The following EFL1 variants were observed in gnomAD, a reference collection of about 807,000 sequenced individuals.
EFL1 encodes elongation factor-like GTPase 1.
Under a neutral mutation model 126.7 loss-of-function variants are expected in EFL1, and 76 were observed. That is an observed-to-expected ratio of 0.60 (90% CI 0.50 to 0.73). The LOEUF is 0.73. Ranked by LOEUF, EFL1 falls within the 30% of genes least tolerant of loss-of-function variation. The pLI is 0.00. For synonymous variants in EFL1, 410 were observed against 448.4 expected (o/e 0.91, Z 1.08); for missense variants, 1,128 against 1,343.2 (o/e 0.84, Z 2.50).
At chr15:82,233,900 G>C (rs2141319439) in intron 7 of EFL1, 1 of 152,268 alleles carries the variant, frequency 6.6e-6, no homozygotes, top group East Asian at 1.9e-4. Flanking sequence ...AGGAAAAGGG[G>C]AAGGAAAAAG....
chr15:82,167,383 T>C (rs1317548860), intron 15 of EFL1, among the ~76,000 whole-genome samples: 2 of 152,216 alleles, frequency 1.3e-5, no homozygotes, highest in Admixed American at 6.5e-5. Flanking sequence ...CTAGACTGTA[T>C]ACTACACCCT....
chr15:82,143,573 G>A (rs1306969881), intron 18 of EFL1, among the ~76,000 whole-genome samples: 1 of 152,208 alleles, frequency 6.6e-6, no homozygotes, highest in Non-Finnish European at 1.5e-5. Context: ...GGCCAACGTG[G>A]TTGACAGGAT....
At position 82,259,210 on chromosome 15, in the gene EFL1, G is replaced by T. The variant is rs1596015440; in HGVS notation, c.92-55C>A. 4.8e-6 allele frequency: 7 copies of T among 1,450,002 alleles called. No homozygotes were observed. The African/African-American group carries it at 5.6e-5, about 12-fold the overall frequency. The allele number at this position is 1,450,002 out of a possible 1,614,324, so 89.8% of individuals were successfully genotyped here. A position where few individuals can be genotyped will look rare whatever the true frequency, so the allele number is the denominator to read the frequency against. On this transcript the variant is annotated intron_variant, in intron 2 of 19. Coordinates refer to ENST00000268206, the MANE Select transcript of EFL1 (RefSeq NM_024580.6). ...TATATCTTTTTTAAAAGGGGTCATG[G>T]ATCATACCTATAGATTTAAAATCTG...
chr15:82,161,221 T>C (rs915947818), intron 16 of EFL1, among the ~76,000 whole-genome samples: 2 of 152,082 alleles, frequency 1.3e-5, no homozygotes, highest in African/African-American at 2.4e-5. Flanking sequence ...ACGTGGTCTA[T>C]TCAAGAAAAA....
intron 4 of EFL1, among the ~76,000 whole-genome samples, chr15:82,248,733 A>G (rs956988548): frequency 6.6e-6 from 1 of 152,148 alleles, no homozygotes; most frequent in Non-Finnish European, 1.5e-5. Context: ...TTACTAACTA[A>G]AAGCTCATAA....
intron 15 of EFL1, among the ~76,000 whole-genome samples, chr15:82,182,525 G>A (rs2074261921): frequency 6.6e-6 from 1 of 152,000 alleles, no homozygotes; most frequent in African/African-American, 2.4e-5. Flanking sequence ...CAAGATGCCT[G>A]TAAATCATAT....
At chr15:82,187,353 G>GT (rs2074314591) in intron 15 of EFL1, among the ~76,000 whole-genome samples, 1 of 152,196 alleles carries the variant, frequency 6.6e-6, no homozygotes, top group East Asian at 1.9e-4. Flanking sequence ...GCTCTACTCT[G>GT]TAACTGCAAA....
intron 18 of EFL1, among the ~76,000 whole-genome samples, chr15:82,146,610 G>GA (rs11345305): frequency 0.17 from 21,479 of 128,652 alleles, 2,146 homozygotes; most frequent in Non-Finnish European, 0.25. Flanking sequence ...ATCAATTCGA[G>GA]AAAAAAAAAA....
At chr15:82,200,730 A>C (rs1477046588) in intron 15 of EFL1, among the ~76,000 whole-genome samples, 7 of 152,242 alleles carry the variant, frequency 4.6e-5, no homozygotes, top group Non-Finnish European at 8.8e-5. Flanking sequence ...ATCCGAACAC[A>C]TTAAAACATC....
chr15:82,133,920 T>G (rs933694996), intron 19 of EFL1, among the ~76,000 whole-genome samples: 4 of 152,124 alleles, frequency 2.6e-5, no homozygotes, highest in Non-Finnish European at 4.4e-5. Flanking sequence ...GGGTTGGCAC[T>G]TCACTGAATC....
chr15:82,164,876 G>A (rs2074061978), intron 15 of EFL1, among the ~76,000 whole-genome samples: 1 of 143,550 alleles, frequency 7.0e-6, no homozygotes, highest in Non-Finnish European at 1.5e-5. Flanking sequence ...CAGTGTGGGC[G>A]ACAGAGCGAG....
intron 4 of EFL1, among the ~76,000 whole-genome samples, chr15:82,249,698 A>C (rs904101630): frequency 1.6e-4 from 24 of 152,104 alleles, no homozygotes; most frequent in African/African-American, 5.6e-4. Flanking sequence ...AGAGGTAAGA[A>C]ACAGGCAAAT....
intron 15 of EFL1, among the ~76,000 whole-genome samples, chr15:82,197,270 G>A (rs2074418380): frequency 6.6e-6 from 1 of 152,080 alleles, no homozygotes. Context: ...CCTATTCCCA[G>A]GGGACAGAAA....
Position 82,232,969 on chromosome 15 carries a change from T to C in EFL1, c.732-1998A>G, listed in dbSNP as rs146497021. ...TTATACATTATTTTATCTTTTATAA[T>C]ATGTCAGATAAATATCCTGCTCTTA... is the stretch of plus-strand genomic sequence containing the variant. On this transcript the variant is annotated intron_variant, in intron 7 of 19. Coordinates refer to ENST00000268206, the MANE Select transcript of EFL1 (RefSeq NM_024580.6). 6.6e-3 allele frequency among the ~76,000 whole-genome samples: 1,010 copies of C among 152,260 alleles called. 10 individuals are homozygous for C. Among genetic ancestry groups the C allele is most frequent in the African/African-American group, 0.023 (937 of 41,560 alleles).
chr15:82,219,073 T>A (rs1250383867), intron 14 of EFL1, among the ~76,000 whole-genome samples: 1 of 152,196 alleles, frequency 6.6e-6, no homozygotes, highest in Non-Finnish European at 1.5e-5. Context: ...TGACCTCTAT[T>A]ATTTAATTAT....
At chr15:82,199,930 T>C (rs183945078) in intron 15 of EFL1, among the ~76,000 whole-genome samples, 5 of 152,240 alleles carry the variant, frequency 3.3e-5, no homozygotes, top group Middle Eastern at 3.4e-3. Context: ...AAGCTAAAAG[T>C]GACAGAACCA....
Position 82,193,521 on chromosome 15 carries a change from C to T in EFL1, c.1750+21196G>A, listed in dbSNP as rs1270337102. ...TTCATGAGAGTCCATGGCATTATTA[C>T]ATTTAAGAACAGTTAACTTGTCTTT... On this transcript the variant is annotated intron_variant, in intron 15 of 19. Transcript: ENST00000268206. Among the ~76,000 whole-genome samples the T allele has an allele frequency of 3.9e-5, 6 of 152,252 alleles. No homozygotes were observed. The East Asian group carries it at 1.2e-3, about 29-fold the overall frequency.
intron 15 of EFL1, among the ~76,000 whole-genome samples, chr15:82,166,106 AT>A (rs1221294870): frequency 2.6e-5 from 4 of 152,276 alleles, no homozygotes; most frequent in Admixed American, 2.6e-4. Context: ...CATAGTAAAT[AT>A]TCCCTTTCAA....
chr15:82,153,484 G>A (rs1595945664), intron 17 of EFL1, among the ~76,000 whole-genome samples: 2 of 152,136 alleles, frequency 1.3e-5, no homozygotes, highest in African/African-American at 4.8e-5. Context: ...TATGTATGAG[G>A]CACTGTGTTA....
Sources: allele counts gnomAD v4.1 joint callset (sites outside exome capture counted in the v4.1 genomes callset), GRCh38; gene constraint gnomAD v4.1.1; transcripts MANE v1.5; gene names NCBI Gene and HGNC (gene_info 2026-07-23, HGNC 2026-07-21).